The following CFAP299 variants were observed in gnomAD, a reference collection of about 807,000 sequenced individuals.
The protein encoded by CFAP299 is cilia- and flagella-associated protein 299.
In CFAP299, 21 loss-of-function variants were observed where a neutral mutation model predicts 27.0. The ratio of observed to expected loss-of-function variants is 0.78; its 90% CI spans 0.55 to 1.12. The LOEUF (loss-of-function observed/expected upper bound fraction) is 1.12. CFAP299 is among the 50% of genes most tolerant of loss of function. The probability of loss-of-function intolerance (pLI) is 0.00; values close to 1 mark genes in which losing one functional copy is unlikely to be tolerated. For synonymous variants in CFAP299, 104 were observed against 98.1 expected (o/e 1.06, Z -0.36); for missense variants, 310 against 276.6 (o/e 1.12, Z -0.86).
intron 2 of CFAP299, among the ~76,000 whole-genome samples, chr4:80,528,131 A>C (rs1015017147): frequency 2.6e-5 from 4 of 152,036 alleles, no homozygotes; most frequent in African/African-American, 9.7e-5. Context: ...ATCAGTGTAG[A>C]TCAGAAGATA....
In CFAP299 at chr4:80,808,739, C is replaced by G. The variant is rs193060156; in HGVS notation, c.334-61254C>G. ...TTTCAAGCATCTCTTACATGTGACA[C>G]ATTCAGGACTGCATTCTTTTGAGGG... On this transcript the variant is annotated intron_variant, in intron 3 of 5. Transcript: ENST00000358105. 5.9e-5 allele frequency among the ~76,000 whole-genome samples: 9 copies of G among 152,196 alleles called. No individual in the cohort carries two copies. In the East Asian group the frequency reaches 1.7e-3, roughly 29 times the overall value.
intron 3 of CFAP299, among the ~76,000 whole-genome samples, chr4:80,649,872 C>A (rs1341892625): frequency 6.6e-6 from 1 of 151,960 alleles, no homozygotes; most frequent in Non-Finnish European, 1.5e-5. Flanking sequence ...AGTGAAATGT[C>A]TTCTTTAGGT....
At chr4:80,884,412 A>G (rs1733869301) in intron 4 of CFAP299, among the ~76,000 whole-genome samples, 1 of 152,198 alleles carries the variant, frequency 6.6e-6, no homozygotes, top group African/African-American at 2.4e-5. Flanking sequence ...CCTGAAAACC[A>G]ACAGGTAAAA....
chr4:80,914,899 A>T (rs1735668309), intron 4 of CFAP299, among the ~76,000 whole-genome samples: 1 of 151,966 alleles, frequency 6.6e-6, no homozygotes, highest in African/African-American at 2.4e-5. Context: ...TACCAGTTTA[A>T]TTGGTGTGTT....
intron 1 of CFAP299, among the ~76,000 whole-genome samples, chr4:80,344,074 A>G (rs1722603938): frequency 6.6e-6 from 1 of 152,172 alleles, no homozygotes; most frequent in Admixed American, 6.5e-5. Context: ...ACCTGACAAC[A>G]CAACTAAAAG....
chr4:80,641,818 A>G (rs1268604900), intron 3 of CFAP299, among the ~76,000 whole-genome samples: 2 of 152,228 alleles, frequency 1.3e-5, no homozygotes, highest in Non-Finnish European at 2.9e-5. Flanking sequence ...CTTTCAAAAC[A>G]AAGTGGCATG....
rs781178654 is a variant in CFAP299, at chr4:80,944,886, G to C, written c.553G>C (p.Gly185Arg). ...TCAAGTGATTGCCGATAATCCAGAAGGCTTACTTTTCAGATACAAAAGAGA... is the reference window on the plus strand; with the variant it reads ...TCAAGTGATTGCCGATAATCCAGAACGCTTACTTTTCAGATACAAAAGAGA... The part of the protein sequence containing the change: ...NYQVIADNPE[G>R]LLFRYKRDRK... Residue 185 changes from glycine (G) to arginine (R), a missense_variant, in exon 5 of 6, where the codon GGC becomes CGC. Physicochemically the swap from Gly to Arg is moderately radical, Grantham distance 125. Transcript: ENST00000358105. 1 of 1,612,860 alleles carries C rather than the reference G, an allele frequency of 6.2e-7. No individual in the cohort carries two copies.
At chr4:80,793,770 G>A (rs374971903) in intron 3 of CFAP299, among the ~76,000 whole-genome samples, 47 of 152,290 alleles carry the variant, frequency 3.1e-4, no homozygotes, top group African/African-American at 1.0e-3. Context: ...CTTAGTACAA[G>A]TGTATACATG....
chr4:80,387,122 T>C (rs1578383963), intron 2 of CFAP299: 1 of 1,417,476 alleles, frequency 7.1e-7, no homozygotes, highest in Non-Finnish European at 1.0e-6. Flanking sequence ...TGGATATTTG[T>C]TGACACGTTT....
chr4:80,799,143 T>G (rs573296328), intron 3 of CFAP299, among the ~76,000 whole-genome samples: 1 of 119,006 alleles, frequency 8.4e-6, no homozygotes, highest in Non-Finnish European at 1.7e-5. Flanking sequence ...TATATATATA[T>G]TATATAAATA....
At chr4:80,333,069 T>C (rs1721998862), upstream of CFAP299, among the ~76,000 whole-genome samples, 1 of 152,162 alleles carries the variant, frequency 6.6e-6, no homozygotes, top group Admixed American at 6.5e-5. Context: ...GAATTCCATC[T>C]TATACTTGTA....
chr4:80,820,369 A>G (rs560523586), intron 3 of CFAP299, among the ~76,000 whole-genome samples: 5 of 152,342 alleles, frequency 3.3e-5, no homozygotes, highest in African/African-American at 1.2e-4. Flanking sequence ...AATTTAAGAG[A>G]TGAGACAAAA....
intron 4 of CFAP299, among the ~76,000 whole-genome samples, chr4:80,941,667 A>G (rs1737203212): frequency 6.6e-6 from 1 of 152,026 alleles, no homozygotes; most frequent in Non-Finnish European, 1.5e-5. Context: ...TTAAAAAAAC[A>G]AAACAAAACA....
chr4:80,385,606 A>C (rs1029784316), intron 2 of CFAP299, among the ~76,000 whole-genome samples: 1 of 152,186 alleles, frequency 6.6e-6, no homozygotes, highest in African/African-American at 2.4e-5. Context: ...GCCCGAGGTC[A>C]CAAGGCAAGT....
At chr4:80,535,003 GTAA>G (rs1257823020) in intron 2 of CFAP299, among the ~76,000 whole-genome samples, 4 of 152,096 alleles carry the variant, frequency 2.6e-5, no homozygotes, top group Admixed American at 2.6e-4. Flanking sequence ...AATAATAAAA[GTAA>G]TAAAGATTAA....
At chr4:80,340,299 C>T (rs1722380058) in intron 1 of CFAP299, among the ~76,000 whole-genome samples, 1 of 152,148 alleles carries the variant, frequency 6.6e-6, no homozygotes, top group African/African-American at 2.4e-5. Flanking sequence ...TTGCAACCCA[C>T]AGATCAGGAG....
intron 2 of CFAP299, among the ~76,000 whole-genome samples, chr4:80,505,208 G>A (rs954414585): frequency 2.0e-5 from 3 of 151,646 alleles, no homozygotes; most frequent in African/African-American, 7.3e-5. Context: ...AATCTTCTGG[G>A]GCAGCAATAG....
intron 3 of CFAP299, 69 bp from the exon 4 acceptor site, chr4:80,869,924 A>G: frequency 2.1e-6 from 3 of 1,445,342 alleles, no homozygotes; most frequent in African/African-American, 1.4e-5. Flanking sequence ...ACATCATTCT[A>G]TCCTATGGCA....
chr4:80,878,449 C>T (rs887182738), intron 4 of CFAP299, among the ~76,000 whole-genome samples: 1 of 152,076 alleles, frequency 6.6e-6, no homozygotes, highest in Non-Finnish European at 1.5e-5. Flanking sequence ...TATCAGGAAG[C>T]ACCTAATGTC....
Sources: allele counts gnomAD v4.1 joint callset (sites outside exome capture counted in the v4.1 genomes callset), GRCh38; gene constraint gnomAD v4.1.1; transcripts MANE v1.5; gene names NCBI Gene and HGNC (gene_info 2026-07-23, HGNC 2026-07-21).